The following CDC34 variants were observed in gnomAD, a reference collection of about 807,000 sequenced individuals.
CDC34 encodes the protein cell division cycle 34, ubiquitin conjugating enzyme, also known as ubiquitin-conjugating enzyme E2 R1.
CDC34 carries 18 observed loss-of-function variants against 26.8 expected under a neutral mutation model. The observed-to-expected ratio is 0.67, with a 90% CI of 0.47 to 1.00. The LOEUF (loss-of-function observed/expected upper bound fraction) is 1.00, where lower values mean the gene tolerates loss of function less well. CDC34 is among the 50% of genes least tolerant of loss of function. CDC34 has a pLI of 0.00. For missense variants in CDC34, 280 were observed against 334.5 expected (o/e 0.84, Z 1.27); for synonymous variants, 178 against 147.5 (o/e 1.21, Z -1.50).
Position 537,099 on chromosome 19 carries a change from A to G in CDC34, c.449A>G (p.Lys150Arg), listed in dbSNP as rs549379010. 5.0e-6 allele frequency: 8 copies of G among 1,613,820 alleles called. No homozygotes were observed. In the African/African-American group the frequency reaches 1.1e-4, roughly 21 times the overall value. Residue 150 changes from lysine to arginine, a missense_variant, in exon 4 of 5, where the codon AAG becomes AGG. Coordinates refer to ENST00000215574, the MANE Select transcript of CDC34 (RefSeq NM_004359.2). Reference protein sequence around the residue: ...ANVDASVMYRKWKESKGKDRE... With the variant: ...ANVDASVMYRRWKESKGKDRE... Reference sequence around the variant, plus strand: ...GTGGACGCCTCCGTGATGTACAGGAAGTGGAAAGAGAGCAAGGGGAAGGAT... The same window carrying G: ...GTGGACGCCTCCGTGATGTACAGGAGGTGGAAAGAGAGCAAGGGGAAGGAT...
At chr19:539,057 A>T (rs1979893842) in intron 4 of CDC34, 1 of 958,690 alleles carries the variant, frequency 1.0e-6, no homozygotes, top group African/African-American at 1.8e-5. Flanking sequence ...GCCAACACAC[A>T]TGTGCCATGT....
At position 541,749 on chromosome 19, in the gene CDC34, C is replaced by G. The variant is rs898400018; in HGVS notation, c.*197C>G. The G allele has an allele frequency of 1.5e-5, 8 of 516,886 alleles. No homozygotes were observed. The highest frequency in any genetic ancestry group is 1.2e-4 in the Admixed American group (3 of 25,200). 32.0% of individuals were successfully genotyped at this position (516,886 alleles called of 1,614,324 possible). ...AGAGGGGCTGCCCCACCGCCACTCA[C>G]GTCACTCGGGGCTCGGTGGACGGGC... On this transcript the variant is annotated 3_prime_UTR_variant, in exon 5 of 5. Coordinates refer to ENST00000215574, the MANE Select transcript of CDC34 (RefSeq NM_004359.2).
intron 1 of CDC34, among the ~76,000 whole-genome samples, chr19:532,864 TC>T (rs1329395768): frequency 2.0e-5 from 3 of 152,176 alleles, no homozygotes; most frequent in Non-Finnish European, 4.4e-5. Context: ...CGGGCCCGCG[TC>T]CCGGACCCCG....
chr19:537,460 C>T (rs886381944), intron 4 of CDC34, among the ~76,000 whole-genome samples: 2 of 152,098 alleles, frequency 1.3e-5, no homozygotes, highest in African/African-American at 4.8e-5. Flanking sequence ...TCACGCCATT[C>T]TCCTGCCTCA....
intron 1 of CDC34, 34 bp from the exon 2 acceptor site, chr19:535,803 G>A (rs374905654): frequency 1.9e-6 from 3 of 1,561,346 alleles, no homozygotes; most frequent in African/African-American, 1.4e-5. Context: ...TTGGGGCTGG[G>A]CTGGACTGAG....
intron 1 of CDC34, among the ~76,000 whole-genome samples, chr19:533,568 G>C (rs1356455274): frequency 6.6e-6 from 1 of 152,242 alleles, no homozygotes; most frequent in Non-Finnish European, 1.5e-5. Context: ...CTGTCTGCTT[G>C]GGGGAGCAGC....
rs1980033082 is a variant in CDC34, at chr19:541,817, A to T, written c.*265A>T. On this transcript the variant is annotated 3_prime_UTR_variant, in exon 5 of 5. Transcript: ENST00000215574. ...GGCCCACCTGTCCCCTCGGGAGGGG[A>T]GCTGAGCCCGACTTCTACCGGGGTC... The T allele has an allele frequency of 6.7e-6, 2 of 299,250 alleles. No homozygotes were observed. Among genetic ancestry groups the T allele is most frequent in the South Asian group, 2.3e-4 (2 of 8,872 alleles). The allele number at this position is 299,250 out of a possible 1,614,324, so 18.5% of individuals were successfully genotyped here.
intron 1 of CDC34, among the ~76,000 whole-genome samples, chr19:534,557 T>G (rs1979650760): frequency 9.5e-6 from 1 of 105,068 alleles, no homozygotes; most frequent in African/African-American, 3.6e-5. Flanking sequence ...CCGAGTACCC[T>G]CCCTGTCAAG....
At position 541,622 on chromosome 19, in the gene CDC34, A is replaced by G. The variant is rs962344668; in HGVS notation, c.*70A>G. 6 of 1,468,546 alleles carry G rather than the reference A, an allele frequency of 4.1e-6. No individual in the cohort carries two copies. The highest frequency in any genetic ancestry group is 2.8e-5 in the African/African-American group (2 of 70,642). The allele number at this position is 1,468,546 out of a possible 1,614,324, so 91.0% of individuals were successfully genotyped here. A position where few individuals can be genotyped will look rare whatever the true frequency, so the allele number is the denominator to read the frequency against. ...CCCGTGGCTCCTTAGACGACAGACT[A>G]CCTCACGGAGGTTTTGTGCTGGTCC... is the stretch of plus-strand genomic sequence containing the variant. On this transcript the variant is annotated 3_prime_UTR_variant, in exon 5 of 5. Coordinates refer to ENST00000215574, the MANE Select transcript of CDC34 (RefSeq NM_004359.2).
At chr19:533,424 G>T (rs941155785) in intron 1 of CDC34, among the ~76,000 whole-genome samples, 6 of 152,264 alleles carry the variant, frequency 3.9e-5, no homozygotes, top group Non-Finnish European at 8.8e-5. Flanking sequence ...AGCCTGGTCT[G>T]CTGGGGGCGA....
At chr19:538,748 G>A (rs753354056) in intron 4 of CDC34, 1 of 985,322 alleles carries the variant, frequency 1.0e-6, no homozygotes, top group Non-Finnish European at 1.2e-6. Context: ...TCATCTCGGG[G>A]CAGCATCCTG....
rs951079973 is a variant in CDC34, at chr19:541,764, G to A, written c.*212G>A. 3.9e-5 allele frequency: 18 copies of A among 461,566 alleles called. No individual in the cohort carries two copies. Among genetic ancestry groups the A allele is most frequent in the Non-Finnish European group, 4.1e-5 (11 of 271,452 alleles). The allele number at this position is 461,566 out of a possible 1,614,324, so 28.6% of individuals were successfully genotyped here. On this transcript the variant is annotated 3_prime_UTR_variant, in exon 5 of 5. Coordinates refer to ENST00000215574, the MANE Select transcript of CDC34 (RefSeq NM_004359.2). ...CCGCCACTCACGTCACTCGGGGCTC[G>A]GTGGACGGGCCCAGGGTGGGAGCGG... is the stretch of plus-strand genomic sequence containing the variant.
rs899317009 is a variant in CDC34, at chr19:541,668, G to A, written c.*116G>A. 2.2e-5 allele frequency: 28 copies of A among 1,279,040 alleles called. No homozygotes were observed. Among genetic ancestry groups the A allele is most frequent in the South Asian group, 1.8e-4 (11 of 61,006 alleles). 79.2% of individuals were successfully genotyped at this position (1,279,040 alleles called of 1,614,324 possible). ...GGTCCCCGTCTCCTCTGGTTGTTTCGTTTTGGCTTTTTCTCCCTCCCCATG... is the reference window on the plus strand; with the variant it reads ...GGTCCCCGTCTCCTCTGGTTGTTTCATTTTGGCTTTTTCTCCCTCCCCATG... On this transcript the variant is annotated 3_prime_UTR_variant, in exon 5 of 5. Transcript: ENST00000215574.
intron 1 of CDC34, among the ~76,000 whole-genome samples, chr19:533,337 C>T (rs1234159806): frequency 1.3e-5 from 2 of 152,242 alleles, no homozygotes; most frequent in African/African-American, 4.8e-5. Context: ...GGGACCGATG[C>T]CTCCCGCACG....
At chr19:532,973 G>C (rs1350799902) in intron 1 of CDC34, among the ~76,000 whole-genome samples, 1 of 152,122 alleles carries the variant, frequency 6.6e-6, no homozygotes, top group Non-Finnish European at 1.5e-5. Flanking sequence ...CCGAGTTCTG[G>C]GCCGTTTCTT....
chr19:535,899 G>A lies in CDC34; in HGVS notation c.240G>A (p.Lys80=), dbSNP rs1979715532. ...YSPPAFRFLT[K]MWHPNIYETG... is the part of the protein sequence containing the mutation. Reference sequence around the variant, plus strand: ...CACCAGCCTTTCGGTTCCTGACCAAGATGTGGCACCCTAACATCTACGAGG... The same window carrying A: ...CACCAGCCTTTCGGTTCCTGACCAAAATGTGGCACCCTAACATCTACGAGG... Residue 80 remains lysine (K), a synonymous_variant, in exon 2 of 5, where the codon AAG becomes AAA. Transcript: ENST00000215574. 3 of 1,613,920 alleles carry A rather than the reference G, an allele frequency of 1.9e-6. 1 individual carries two copies. Among genetic ancestry groups the A allele is most frequent in the East Asian group, 4.5e-5 (2 of 44,868 alleles).
At chr19:536,429 G>A (rs1432559117) in intron 3 of CDC34, 89 bp downstream of exon 3, 2 of 1,070,364 alleles carry the variant, frequency 1.9e-6, no homozygotes, top group Non-Finnish European at 2.7e-6. Flanking sequence ...GGTAGGCCGG[G>A]CTCCCCCACA....
intron 4 of CDC34, among the ~76,000 whole-genome samples, chr19:540,086 A>G (rs569697329): frequency 0.016 from 1,261 of 78,486 alleles, 19 homozygotes; most frequent in South Asian, 0.023. Context: ...CAGGCCCCCC[A>G]GGTTTAGAAT....
At chr19:537,203 G>T (rs950792313) in intron 4 of CDC34, 56 bp downstream of exon 4, 4 of 1,594,322 alleles carry the variant, frequency 2.5e-6, no homozygotes, top group Non-Finnish European at 3.4e-6. Context: ...CCTGCACCCC[G>T]GCCCCTGGTC....
Sources: allele counts gnomAD v4.1 joint callset (sites outside exome capture counted in the v4.1 genomes callset), GRCh38; gene constraint gnomAD v4.1.1; transcripts MANE v1.5; gene names NCBI Gene and HGNC (gene_info 2026-07-23, HGNC 2026-07-21).